The following WHAMM variants were observed in gnomAD, a reference collection of about 807,000 sequenced individuals.
WHAMM encodes the protein WASP homolog-associated protein with actin, membranes and microtubules.
A neutral mutation model predicts 76.5 loss-of-function variants in WHAMM; 67 were observed. That is an observed-to-expected ratio of 0.88 (90% CI 0.72 to 1.07). WHAMM has a LOEUF of 1.07. Among genes scored for constraint, WHAMM ranks in the 50% least tolerant of loss-of-function variants. WHAMM has a pLI of 0.00. For missense variants in WHAMM, 1,021 were observed against 1,051.1 expected, an observed-to-expected ratio of 0.97 and a Z score of 0.40; for synonymous variants, 419 against 422.1, an observed-to-expected ratio of 0.99 and a Z score of 0.09.
intron 9 of WHAMM, 80 bp from the exon 10 acceptor site, chr15:82,833,149 T>G: frequency 3.5e-6 from 5 of 1,440,442 alleles, no homozygotes; most frequent in Non-Finnish European, 3.7e-6. Context: ...TGATAGGAGA[T>G]TTCACAATTT....
Position 82,830,802 on chromosome 15 carries a change from T to C in WHAMM, c.1845T>C (p.Asn615=). Residue 615 remains asparagine, a synonymous_variant, in exon 9 of 10, where the codon AAT becomes AAC. Coordinates refer to ENST00000286760, the MANE Select transcript of WHAMM (RefSeq NM_001080435.3). The stretch of plus-strand genomic sequence containing the variant: ...CCAAGTGTCAAAACTGTCATGGAAA[T>C]ATCCCTGTCCAGGTTTTTGTTCCAG... ...KSPKCQNCHG[N]IPVQVFVPVG... is the part of the protein sequence containing the mutation. The C allele has an allele frequency of 6.2e-7, 1 of 1,612,392 alleles. No homozygotes were observed. Among genetic ancestry groups the C allele is most frequent in the South Asian group, 1.1e-5 (1 of 90,886 alleles).
At chr15:82,812,894 C>T (rs1292960994) in intron 1 of WHAMM, among the ~76,000 whole-genome samples, 1 of 152,164 alleles carries the variant, frequency 6.6e-6, no homozygotes, top group African/African-American at 2.4e-5. Context: ...TAATAATATT[C>T]TTACATGGAT....
intron 2 of WHAMM, among the ~76,000 whole-genome samples, chr15:82,813,858 C>T (rs2050675303): frequency 6.6e-6 from 1 of 151,556 alleles, no homozygotes; most frequent in Non-Finnish European, 1.5e-5. Context: ...CGGGGTTTCA[C>T]CATGTTGGCC....
At chr15:82,829,696 G>A (rs1276328868) in intron 8 of WHAMM, among the ~76,000 whole-genome samples, 1 of 151,590 alleles carries the variant, frequency 6.6e-6, no homozygotes, top group African/African-American at 2.4e-5. Context: ...ATCATGGATT[G>A]CATGGGGGGG....
chr15:82,810,121 C>A lies in WHAMM; in HGVS notation c.395C>A (p.Pro132Gln). 7.4e-7 allele frequency: 1 copy of A among 1,345,544 alleles called. No individual in the cohort carries two copies. Among genetic ancestry groups the A allele is most frequent in the Non-Finnish European group, 9.6e-7 (1 of 1,041,950 alleles). The allele number at this position is 1,345,544 out of a possible 1,614,324, so 83.4% of individuals were successfully genotyped here. ...CTCGGGCTGTGGGCGCTGCTGTGGCCGACGCGCGCGGGTCCCGGCGAGGCG... is the reference window on the plus strand; with the variant it reads ...CTCGGGCTGTGGGCGCTGCTGTGGCAGACGCGCGCGGGTCCCGGCGAGGCG... ...LGLGLWALLW[P>Q]TRAGPGEAAL... The change falls in exon 1 of 10, where the codon CCG becomes CAG. Residue 132 changes from proline (P) to glutamine (Q), a missense_variant. This residue lies in a region of WHAMM where 501 missense variants were observed against 524.9 expected (regional missense o/e 0.95). Coordinates refer to ENST00000286760, the MANE Select transcript of WHAMM (RefSeq NM_001080435.3).
chr15:82,822,871 T>G (rs531007014), intron 5 of WHAMM, among the ~76,000 whole-genome samples: 9 of 152,014 alleles, frequency 5.9e-5, no homozygotes, highest in Middle Eastern at 3.4e-3. Flanking sequence ...TATGTATACA[T>G]GCATACACTA....
At chr15:82,823,913 C>T (rs986004884) in intron 6 of WHAMM, among the ~76,000 whole-genome samples, 3 of 152,006 alleles carry the variant, frequency 2.0e-5, no homozygotes, top group Non-Finnish European at 2.9e-5. Flanking sequence ...TTTCTAATAG[C>T]CAACTATAAC....
rs553144495 is a variant in WHAMM, at chr15:82,828,630, G to A, written c.1641+1784G>A. ...CAAGGAATTGTTTGGCAATACAGAA[G>A]ATTACTTTTTCATGTGTGGGTGATA... On this transcript the variant is annotated intron_variant, in intron 8 of 9. Transcript: ENST00000286760. 2.9e-4 allele frequency among the ~76,000 whole-genome samples: 44 copies of A among 152,310 alleles called. No individual in the cohort carries two copies. In the East Asian group the frequency reaches 8.5e-3, roughly 29 times the overall value.
At chr15:82,823,396 T>C (rs935146521) in intron 6 of WHAMM, 109 bp downstream of exon 6, 67 of 989,974 alleles carry the variant, frequency 6.8e-5, no homozygotes, top group Non-Finnish European at 8.6e-5. Flanking sequence ...TGATTACATT[T>C]TGTGTGCTTA....
chr15:82,824,162 C>CTTTTTTTTTTTTTTTTTTTTTT (rs71156055), intron 6 of WHAMM, among the ~76,000 whole-genome samples: 5 of 118,072 alleles, frequency 4.2e-5, no homozygotes, highest in South Asian at 2.9e-4. Context: ...TACTTTTCTC[C>CTTTTTTTTTTTTTTTTTTTTTT]TTTTTTTTTT....
intron 2 of WHAMM, among the ~76,000 whole-genome samples, chr15:82,816,259 G>A (rs1336461238): frequency 2.0e-5 from 3 of 152,148 alleles, no homozygotes; most frequent in Non-Finnish European, 4.4e-5. Flanking sequence ...TGAATATACA[G>A]ATACTATATT....
intron 5 of WHAMM, among the ~76,000 whole-genome samples, chr15:82,821,687 A>G (rs763617117): frequency 6.6e-6 from 1 of 152,144 alleles, no homozygotes; most frequent in Non-Finnish European, 1.5e-5. Flanking sequence ...TTTTCTGACT[A>G]TTTTCACTCC....
chr15:82,823,071 GT>G, intron 5 of WHAMM, 28 bp from the exon 6 acceptor site: 2 of 1,278,068 alleles, frequency 1.6e-6, no homozygotes, highest in South Asian at 6.0e-5. Context: ...AATAAAATAT[GT>G]TTTAAACAAT....
rs2051067175 is a variant in WHAMM, at chr15:82,833,331, A to G, written c.2225A>G (p.His742Arg). The G allele has an allele frequency of 6.2e-7, 1 of 1,614,054 alleles. No homozygotes were observed. Among genetic ancestry groups the G allele is most frequent in the Non-Finnish European group, 8.5e-7 (1 of 1,179,880 alleles). The stretch of plus-strand genomic sequence containing the variant: ...CCTCCCCACGCCTCAATCAATGAGC[A>G]CATTCTGGCTGCCATAAGGCAAGGG... Reference protein sequence around the residue: ...VRPPHASINEHILAAIRQGVK... With the variant: ...VRPPHASINERILAAIRQGVK... Residue 742 changes from histidine to arginine, a missense_variant, in exon 10 of 10, where the codon CAC becomes CGC. Transcript: ENST00000286760.
chr15:82,820,720 C>A (rs2050805393), intron 5 of WHAMM, among the ~76,000 whole-genome samples: 3 of 151,898 alleles, frequency 2.0e-5, no homozygotes, highest in African/African-American at 4.8e-5. Flanking sequence ...CATGTTGAAA[C>A]CCTGTCTCTA....
In WHAMM at chr15:82,823,133, G is replaced by T. The variant is rs1423196207; in HGVS notation, c.1304G>T (p.Cys435Phe). The change falls in exon 6 of 10, where the codon TGT (cysteine) becomes TTT (phenylalanine). Residue 435 changes from cysteine to phenylalanine, a missense_variant. This residue lies in a region of WHAMM where 509 missense variants were observed against 492.3 expected (regional missense o/e 1.03). Coordinates refer to ENST00000286760, the MANE Select transcript of WHAMM (RefSeq NM_001080435.3). ...KQDEVVYYDP[C>F]ENPEELKVID... ...GATGAAGTTGTCTATTACGATCCAT[G>T]TGAAAATCCAGAGGAACTTAAAGTC... The T allele has an allele frequency of 8.9e-6, 13 of 1,457,140 alleles. No homozygotes were observed. The highest frequency in any genetic ancestry group is 1.2e-5 in the Non-Finnish European group (13 of 1,093,590). The allele number at this position is 1,457,140 out of a possible 1,614,324, so 90.3% of individuals were successfully genotyped here.
intron 1 of WHAMM, among the ~76,000 whole-genome samples, chr15:82,812,321 C>T (rs371463314): frequency 2.0e-5 from 3 of 152,308 alleles, no homozygotes; most frequent in South Asian, 2.1e-4. Context: ...CTCCGCCTCC[C>T]GGGTTCATGC....
In WHAMM at chr15:82,826,806, A is replaced by T; in HGVS notation, c.1601A>T (p.Glu534Val). The change falls in exon 8 of 10, where the codon GAA (glutamate) becomes GTA (valine). Residue 534 changes from glutamate to valine, a missense_variant. Transcript: ENST00000286760. ...EQKKKEWINQ[E>V]RQKTLQRLRS... ...AAGAAAAAAGAATGGATCAACCAAG[A>T]ACGTCAAAAAACACTCCAACGATTG... 6.5e-7 allele frequency: 1 copy of T among 1,549,702 alleles called. No individual in the cohort carries two copies. Among genetic ancestry groups the T allele is most frequent in the East Asian group, 2.4e-5 (1 of 40,914 alleles).
At chr15:82,830,317 C>T (rs979137422) in intron 8 of WHAMM, among the ~76,000 whole-genome samples, 3 of 151,832 alleles carry the variant, frequency 2.0e-5, no homozygotes, top group Non-Finnish European at 4.4e-5. Context: ...TCTAATTTTC[C>T]ATACTAAAAG....
Sources: allele counts gnomAD v4.1 joint callset (sites outside exome capture counted in the v4.1 genomes callset), GRCh38; gene constraint gnomAD v4.1.1; regional missense constraint gnomAD v4.1.1; transcripts MANE v1.5; gene names NCBI Gene and HGNC (gene_info 2026-07-23, HGNC 2026-07-21).